MYO3B: variants seen among roughly 807,000 people sequenced by gnomAD.
MYO3B encodes myosin-IIIb.
A neutral mutation model predicts 174.6 loss-of-function variants in MYO3B; 156 were observed. That is an observed-to-expected ratio of 0.89 (90% CI 0.78 to 1.02). MYO3B has a LOEUF of 1.02. Ranked by LOEUF, MYO3B falls within the 50% of genes least tolerant of loss-of-function variation. MYO3B has a pLI of 0.00. For missense variants in MYO3B, 1,632 were observed against 1,639.4 expected, an observed-to-expected ratio of 1.00 and a Z score of 0.08; for synonymous variants, 563 against 569.1, an observed-to-expected ratio of 0.99 and a Z score of 0.15.
In MYO3B at chr2:170,248,613, T is replaced by G. The variant is rs891195321; in HGVS notation, c.749+12477T>G. 3.9e-5 allele frequency among the ~76,000 whole-genome samples: 6 copies of G among 152,172 alleles called. No homozygotes were observed. The East Asian group carries it at 1.2e-3, about 29-fold the overall frequency. On this transcript the variant is annotated intron_variant, in intron 7 of 34. Coordinates refer to ENST00000408978, the MANE Select transcript of MYO3B (RefSeq NM_138995.5). ...TCCAGCTTCTAGAAGTTGCCTGGAT[T>G]TCTTGACTTGTGGCTCCCTTCTATC... is the stretch of plus-strand genomic sequence containing the variant.
intron 3 of MYO3B, 105 bp from the exon 4 acceptor site, chr2:170,214,274 T>G: frequency 1.2e-6 from 1 of 817,518 alleles, no homozygotes; most frequent in Non-Finnish European, 1.9e-6. Flanking sequence ...AATCTGCAAA[T>G]TTACTACATT....
chr2:170,574,058 CAAA>C (rs1472205007), intron 32 of MYO3B, among the ~76,000 whole-genome samples: 2 of 152,108 alleles, frequency 1.3e-5, no homozygotes, highest in Admixed American at 1.3e-4. Context: ...TCAAAGGAAA[CAAA>C]GAAGGCTCCC....
At chr2:170,597,829 A>G (rs928534941) in intron 32 of MYO3B, among the ~76,000 whole-genome samples, 2 of 152,212 alleles carry the variant, frequency 1.3e-5, no homozygotes, top group Non-Finnish European at 1.5e-5. Context: ...TTAACTAAAA[A>G]GCTTCACATT....
chr2:170,377,771 C>T (rs1451367064), intron 9 of MYO3B, among the ~76,000 whole-genome samples: 1 of 152,210 alleles, frequency 6.6e-6, no homozygotes, highest in Non-Finnish European at 1.5e-5. Context: ...ATAAACTTTA[C>T]TGGAATTTGA....
chr2:170,410,743 A>T (rs575297384), intron 22 of MYO3B, among the ~76,000 whole-genome samples: 1 of 152,128 alleles, frequency 6.6e-6, no homozygotes, highest in Non-Finnish European at 1.5e-5. Context: ...CTGGCTCCTG[A>T]TCTTGGTGGT....
At chr2:170,201,388 GC>G (rs1159657626) in intron 3 of MYO3B, among the ~76,000 whole-genome samples, 1 of 152,190 alleles carries the variant, frequency 6.6e-6, no homozygotes, top group Admixed American at 6.5e-5. Flanking sequence ...ACAAGTGGAA[GC>G]CTTAAGAGAG....
At chr2:170,645,003 T>C (rs1026093579) in intron 32 of MYO3B, among the ~76,000 whole-genome samples, 5 of 152,122 alleles carry the variant, frequency 3.3e-5, no homozygotes, top group Non-Finnish European at 5.9e-5. Context: ...CTATGTTAAA[T>C]GCAAACTGGT....
chr2:170,580,473 A>G (rs1359237871), intron 32 of MYO3B, among the ~76,000 whole-genome samples: 2 of 152,152 alleles, frequency 1.3e-5, no homozygotes, highest in Non-Finnish European at 2.9e-5. Flanking sequence ...CCCCGTCTCT[A>G]CTAAAAATAC....
intron 6 of MYO3B, among the ~76,000 whole-genome samples, chr2:170,235,575 A>G (rs4667631): frequency 0.66 from 100,903 of 151,968 alleles, 33,995 homozygotes; most frequent in African/African-American, 0.78. Context: ...TACTCGCGGG[A>G]ATTTCATGCA....
At chr2:170,402,684 T>C (rs1410797542) in intron 18 of MYO3B, among the ~76,000 whole-genome samples, 164 bp from the exon 19 acceptor site, 1 of 151,920 alleles carries the variant, frequency 6.6e-6, no homozygotes, top group Non-Finnish European at 1.5e-5. Flanking sequence ...GAACAAATAG[T>C]TTGAGACATA....
intron 7 of MYO3B, among the ~76,000 whole-genome samples, chr2:170,296,559 G>A (rs2093629986): frequency 6.6e-6 from 1 of 152,196 alleles, no homozygotes; most frequent in East Asian, 1.9e-4. Context: ...ACAGAACTGA[G>A]CAGAATCTTG....
At chr2:170,256,916 T>C (rs1024479650) in intron 7 of MYO3B, among the ~76,000 whole-genome samples, 6 of 151,934 alleles carry the variant, frequency 3.9e-5, no homozygotes, top group Non-Finnish European at 8.8e-5. Context: ...ACAGCTATCA[T>C]GCAAATGAAA....
chr2:170,237,363 C>T (rs1434401603), intron 7 of MYO3B, among the ~76,000 whole-genome samples: 4 of 151,984 alleles, frequency 2.6e-5, no homozygotes, highest in South Asian at 2.1e-4. Context: ...AACATAATTT[C>T]CTGAATATCA....
intron 32 of MYO3B, among the ~76,000 whole-genome samples, chr2:170,600,083 G>T (rs1694415099): frequency 6.6e-6 from 1 of 151,520 alleles, no homozygotes; most frequent in Non-Finnish European, 1.5e-5. Flanking sequence ...ATGGTCCACT[G>T]GATGTAAACA....
intron 7 of MYO3B, among the ~76,000 whole-genome samples, chr2:170,308,754 T>A (rs186417779): frequency 7.2e-5 from 11 of 152,326 alleles, no homozygotes; most frequent in Middle Eastern, 3.4e-3. Flanking sequence ...CTTTCCCTGT[T>A]GGACTCTCAT....
chr2:170,592,258 AG>A (rs1237688492), intron 32 of MYO3B, among the ~76,000 whole-genome samples: 1 of 152,190 alleles, frequency 6.6e-6, no homozygotes, highest in Non-Finnish European at 1.5e-5. Context: ...ATCCCTAAAA[AG>A]CTTTATATTA....
intron 27 of MYO3B, among the ~76,000 whole-genome samples, chr2:170,500,074 A>G (rs1351499790): frequency 6.6e-6 from 1 of 152,214 alleles, no homozygotes; most frequent in East Asian, 1.9e-4. Flanking sequence ...AAGACTGTGT[A>G]GGGGTGAAAG....
intron 30 of MYO3B, among the ~76,000 whole-genome samples, chr2:170,540,046 C>T (rs1689983534): frequency 6.6e-6 from 1 of 152,098 alleles, no homozygotes; most frequent in Admixed American, 6.6e-5. Flanking sequence ...CTTCTTGATG[C>T]TTAATTCCTT....
intron 23 of MYO3B, among the ~76,000 whole-genome samples, chr2:170,456,500 T>G (rs1210780729): frequency 6.6e-6 from 1 of 152,138 alleles, no homozygotes; most frequent in African/African-American, 2.4e-5. Flanking sequence ...CTTCTTCAGT[T>G]CAACATGTCA....
Sources: gnomAD v4.1 joint callset for allele counts (sites outside exome capture counted in the v4.1 genomes callset) on GRCh38, gnomAD v4.1.1 for gene constraint, MANE v1.5 for transcripts, NCBI Gene and HGNC (gene_info 2026-07-23, HGNC 2026-07-21) for gene names.